Variants in MAML3 observed in about 807,000 individuals in gnomAD.
MAML3 encodes the protein mastermind-like protein 3.
Under a neutral mutation model 101.9 loss-of-function variants are expected in MAML3, and 27 were observed. The ratio of observed to expected loss-of-function variants is 0.27; its 90% CI spans 0.20 to 0.37. MAML3 has a LOEUF of 0.37. Among genes scored for constraint, MAML3 ranks in the 10% least tolerant of loss-of-function variants. The pLI is 1.00. For synonymous variants in MAML3, 501 were observed against 555.9 expected, an observed-to-expected ratio of 0.90 and a Z score of 1.39; for missense variants, 1,316 against 1,444.9, an observed-to-expected ratio of 0.91 and a Z score of 1.45.
chr4:139,835,272 AAGTTGGT>A (rs1280792116), intron 2 of MAML3, among the ~76,000 whole-genome samples: 1 of 152,238 alleles, frequency 6.6e-6, no homozygotes, highest in East Asian at 1.9e-4. Flanking sequence ...CTTCTGTCCC[AAGTTGGT>A]AGTGAATGAG....
At chr4:139,976,561 G>GA (rs1213898833) in intron 1 of MAML3, among the ~76,000 whole-genome samples, 1 of 151,642 alleles carries the variant, frequency 6.6e-6, no homozygotes, top group African/African-American at 2.4e-5. Flanking sequence ...ATACCTTCAG[G>GA]AAAAAAAAGG....
intron 1 of MAML3, among the ~76,000 whole-genome samples, chr4:140,150,039 G>C (rs1014121510): frequency 1.3e-5 from 2 of 149,862 alleles, no homozygotes; most frequent in African/African-American, 4.9e-5. Flanking sequence ...ATACCAGTGA[G>C]AGATGCATGT....
chr4:140,073,313 T>C (rs1308306325), intron 1 of MAML3, among the ~76,000 whole-genome samples: 1 of 152,036 alleles, frequency 6.6e-6, no homozygotes, highest in Non-Finnish European at 1.5e-5. Context: ...AATTTTTGTA[T>C]TTTTAGTAGA....
At chr4:140,078,536 G>T (rs1727813175) in intron 1 of MAML3, among the ~76,000 whole-genome samples, 2 of 152,134 alleles carry the variant, frequency 1.3e-5, no homozygotes, top group Admixed American at 1.3e-4. Context: ...GCCACAGGAT[G>T]GGGGAGGGTG....
At chr4:139,914,897 C>A (rs1029723124) in intron 1 of MAML3, among the ~76,000 whole-genome samples, 2 of 152,130 alleles carry the variant, frequency 1.3e-5, no homozygotes, top group Non-Finnish European at 2.9e-5. Context: ...AGTGGATAAC[C>A]CAATTTCCAC....
At chr4:139,771,055 CT>C in intron 2 of MAML3, among the ~76,000 whole-genome samples, 1 of 152,322 alleles carries the variant, frequency 6.6e-6, no homozygotes, top group African/African-American at 2.4e-5. Context: ...CCACACCCTC[CT>C]TCTGGAGAGC....
chr4:139,989,862 CACACACACACACACACACACAGAG>C (rs1179234271), intron 1 of MAML3, among the ~76,000 whole-genome samples: 26 of 81,688 alleles, frequency 3.2e-4, no homozygotes, highest in African/African-American at 1.2e-3. Flanking sequence ...CACACACACA[CACACACACACACACACACACAGAG>C]AGAGAGAGAG....
intron 2 of MAML3, among the ~76,000 whole-genome samples, chr4:139,819,440 A>G (rs1218695766): frequency 1.3e-5 from 2 of 152,194 alleles, no homozygotes; most frequent in Admixed American, 6.5e-5. Flanking sequence ...CATGGCTCCA[A>G]TTGTATCCCC....
intron 2 of MAML3, among the ~76,000 whole-genome samples, chr4:139,852,912 T>G (rs1399984277): frequency 1.3e-5 from 2 of 152,232 alleles, no homozygotes; most frequent in African/African-American, 2.4e-5. Flanking sequence ...TTGGGCAATC[T>G]TGGGCAAGTC....
chr4:140,062,372 T>C (rs193103416), intron 1 of MAML3, among the ~76,000 whole-genome samples: 118 of 152,214 alleles, frequency 7.8e-4, no homozygotes, highest in African/African-American at 2.7e-3. Flanking sequence ...TTGACAGAAC[T>C]GCAAATACTG....
At chr4:139,791,095 T>A (rs1159938860) in intron 2 of MAML3, among the ~76,000 whole-genome samples, 1 of 152,266 alleles carries the variant, frequency 6.6e-6, no homozygotes, top group Non-Finnish European at 1.5e-5. Flanking sequence ...AAATATCTTT[T>A]AAACTCTTAA....
At chr4:139,829,940 T>C (rs1174439698) in intron 2 of MAML3, among the ~76,000 whole-genome samples, 1 of 152,220 alleles carries the variant, frequency 6.6e-6, no homozygotes, top group Non-Finnish European at 1.5e-5. Context: ...CAGATGGTCA[T>C]GTTAACGTAA....
In MAML3 at chr4:139,890,111, G is replaced by A. The variant is rs547610978; in HGVS notation, c.1325C>T (p.Pro442Leu). 34 of 1,613,826 alleles carry A rather than the reference G, an allele frequency of 2.1e-5. No individual in the cohort carries two copies. In the East Asian group the frequency reaches 5.8e-4, roughly 27 times the overall value. The change falls in exon 2 of 5, where the codon CCG becomes CTG. Residue 442 changes from proline to leucine, a missense_variant. Physicochemically the swap from Pro to Leu is moderately conservative, Grantham distance 98. Coordinates refer to ENST00000509479, the MANE Select transcript of MAML3 (RefSeq NM_018717.5). This position sits in a 1 kb window ranked among gnomAD's most constrained non-coding sequence, Gnocchi z 4.1. ...PRPGNGYLLN[P>L]AAVTVAGSAS... is the part of the protein sequence containing the mutation. The stretch of plus-strand genomic sequence containing the variant: ...TGAACCGGCCACTGTCACTGCTGCC[G>A]GATTCAGGAGATAACCATTTCCAGG...
intron 1 of MAML3, among the ~76,000 whole-genome samples, chr4:140,008,188 T>C (rs1244388694): frequency 1.3e-5 from 2 of 151,716 alleles, no homozygotes; most frequent in Non-Finnish European, 2.9e-5. Context: ...CTACGAAAAA[T>C]ACAAAAAAAT....
rs143857581 is a variant in MAML3 at position 139,997,188 on chromosome 4, T to A, written c.469-106221A>T. On this transcript the variant is annotated intron_variant, in intron 1 of 4. Coordinates refer to ENST00000509479, the MANE Select transcript of MAML3 (RefSeq NM_018717.5). ...ATATACATAATTGATACAGTTGGGA[T>A]TTTAAAAGGCCATTTTGGTATTTTT... Among the ~76,000 whole-genome samples the A allele has an allele frequency of 2.5e-3, 379 of 151,162 alleles. 2 individuals carry two copies. The highest frequency in any genetic ancestry group is 9.1e-3 in the East Asian group (47 of 5,182).
chr4:140,003,548 A>C (rs1726372922), intron 1 of MAML3, among the ~76,000 whole-genome samples: 1 of 152,204 alleles, frequency 6.6e-6, no homozygotes, highest in African/African-American at 2.4e-5. Flanking sequence ...AAGGGCTGCA[A>C]GAAATACAGT....
intron 1 of MAML3, among the ~76,000 whole-genome samples, chr4:139,964,183 C>A (rs1239628438): frequency 1.3e-5 from 2 of 152,138 alleles, no homozygotes; most frequent in African/African-American, 4.8e-5. Context: ...GACATGGAAC[C>A]AACCCAAATG....
chr4:139,746,285 C>G (rs967246028), intron 2 of MAML3, among the ~76,000 whole-genome samples: 1 of 152,162 alleles, frequency 6.6e-6, no homozygotes, highest in Non-Finnish European at 1.5e-5. Flanking sequence ...AGAATAATTT[C>G]TAACAAAATA....
At chr4:139,795,186 T>C (rs1646618612) in intron 2 of MAML3, among the ~76,000 whole-genome samples, 2 of 152,230 alleles carry the variant, frequency 1.3e-5, no homozygotes, top group Admixed American at 1.3e-4. Context: ...ACTTGAAATT[T>C]CATTAATAAT....
Sources: allele counts gnomAD v4.1 joint callset (sites outside exome capture counted in the v4.1 genomes callset), GRCh38; gene constraint gnomAD v4.1.1; non-coding constraint Gnocchi (gnomAD v3.1); transcripts MANE v1.5; gene names NCBI Gene and HGNC (gene_info 2026-07-23, HGNC 2026-07-21).